ESRP1: variants seen among roughly 807,000 people sequenced by gnomAD.
ESRP1 encodes epithelial splicing regulatory protein 1.
A neutral mutation model predicts 81.7 loss-of-function variants in ESRP1; 33 were observed. The ratio of observed to expected loss-of-function variants is 0.40; its 90% CI spans 0.31 to 0.54. The LOEUF is 0.54. ESRP1 is among the 20% of genes least tolerant of loss of function. The pLI is 0.41. For synonymous variants in ESRP1, 320 were observed against 303.3 expected (o/e 1.06, Z -0.57); for missense variants, 672 against 833.1 (o/e 0.81, Z 2.38).
rs1817857276 is a variant in ESRP1 at position 94,646,481 on chromosome 8, G to A, written c.490+199G>A. 1.9e-5 allele frequency: 8 copies of A among 424,586 alleles called. No homozygotes were observed. In the East Asian group the frequency reaches 3.4e-4, roughly 18 times the overall value. 26.3% of individuals were successfully genotyped at this position (424,586 alleles called of 1,614,324 possible). On this transcript the variant is annotated intron_variant, in intron 4 of 15. Transcript: ENST00000433389. ...GTTATAATTAATCAGATGGTTGGAC[G>A]GATTTGGAGATGGATTTTTTGGTGG...
At chr8:94,656,032 TTCA>T (rs549322270) in intron 4 of ESRP1, 68 of 151,038 alleles carry the variant, frequency 4.5e-4, no homozygotes, top group African/African-American at 1.6e-3. Context: ...CCACAGTAGG[TTCA>T]TCATCAATAT....
chr8:94,670,173 T>C (rs1819243214), intron 10 of ESRP1, among the ~76,000 whole-genome samples: 1 of 152,222 alleles, frequency 6.6e-6, no homozygotes, highest in African/African-American at 2.4e-5. Context: ...CCATCCTTCT[T>C]GATTTATTTA....
chr8:94,660,709 C>CAAAAAAAAAAAAAAAAAA (rs60316449), intron 4 of ESRP1, among the ~76,000 whole-genome samples: 4 of 43,542 alleles, frequency 9.2e-5, no homozygotes, highest in African/African-American at 3.2e-4. Context: ...GAGACTATCT[C>CAAAAAAAAAAAAAAAAAA]AAAAAAAAAA....
chr8:94,682,919 TA>T, intron 13 of ESRP1, among the ~76,000 whole-genome samples: 2 of 32,032 alleles, frequency 6.2e-5, no homozygotes, highest in African/African-American at 1.7e-4. Flanking sequence ...TATATATATA[TA>T]TATATATATA....
intron 13 of ESRP1, among the ~76,000 whole-genome samples, chr8:94,681,160 C>T (rs1424247278): frequency 6.7e-6 from 1 of 149,120 alleles, no homozygotes; most frequent in African/African-American, 2.5e-5. Context: ...CCCGTCTCTA[C>T]TAAAAAATAC....
At chr8:94,677,156 C>T (rs759276062) in intron 12 of ESRP1, among the ~76,000 whole-genome samples, 2 of 152,062 alleles carry the variant, frequency 1.3e-5, no homozygotes, top group Non-Finnish European at 2.9e-5. Context: ...TTCTATACGC[C>T]CATATTTAGC....
chr8:94,678,144 A>C, intron 12 of ESRP1, 59 bp from the exon 13 acceptor site: 254 of 1,470,770 alleles, frequency 1.7e-4, no homozygotes, highest in Non-Finnish European at 2.2e-4. Flanking sequence ...TTTTAGTGCT[A>C]GCACGTGCAT....
At position 94,678,265 on chromosome 8, in the gene ESRP1, A is replaced by G. The variant is rs772910256; in HGVS notation, c.1714A>G (p.Ile572Val). The G allele has an allele frequency of 5.0e-6, 8 of 1,613,866 alleles. No homozygotes were observed. The Admixed American group carries it at 8.3e-5, about 17-fold the overall frequency. The stretch of plus-strand genomic sequence containing the variant: ...TGCAGTTATTCCTACAGAAGCTGCC[A>G]TTTACCAGCCCTCTGTGATTTTGAA... Reference protein sequence around the residue: ...PAAVIPTEAAIYQPSVILNPR... With the variant: ...PAAVIPTEAAVYQPSVILNPR... The change falls in exon 13 of 16, where the codon ATT becomes GTT. Residue 572 changes from isoleucine to valine, a missense_variant. Transcript: ENST00000433389.
At chr8:94,700,705 G>A (rs558952624) in intron 15 of ESRP1, among the ~76,000 whole-genome samples, 12 of 152,152 alleles carry the variant, frequency 7.9e-5, no homozygotes, top group Middle Eastern at 3.4e-3. Flanking sequence ...TGAGGCGGGC[G>A]GATCACGAGG....
chr8:94,676,874 C>T (rs905960267), intron 12 of ESRP1, among the ~76,000 whole-genome samples: 3 of 151,066 alleles, frequency 2.0e-5, no homozygotes, highest in East Asian at 2.0e-4. Context: ...GAATATGAAC[C>T]GGGCGCGGTG....
chr8:94,682,901 ATT>A (rs1415180200), intron 13 of ESRP1, among the ~76,000 whole-genome samples: 3 of 38,700 alleles, frequency 7.8e-5, no homozygotes, highest in African/African-American at 1.2e-4. Context: ...TATATTCATT[ATT>A]TTATATATAT....
chr8:94,678,631 C>T (rs1808737702), intron 13 of ESRP1, among the ~76,000 whole-genome samples: 1 of 152,196 alleles, frequency 6.6e-6, no homozygotes, highest in Non-Finnish European at 1.5e-5. Context: ...TGTCATAGGA[C>T]CCCAAGTGAG....
At chr8:94,699,602 T>C (rs900619301) in intron 15 of ESRP1, among the ~76,000 whole-genome samples, 6 of 152,148 alleles carry the variant, frequency 3.9e-5, no homozygotes, top group Non-Finnish European at 8.8e-5. Context: ...ATTGTACCAC[T>C]GCAGTCCAGC....
At chr8:94,655,344 C>G (rs971546707) in intron 4 of ESRP1, among the ~76,000 whole-genome samples, 1 of 150,760 alleles carries the variant, frequency 6.6e-6, no homozygotes, top group Non-Finnish European at 1.5e-5. Flanking sequence ...GCCTCGGCCT[C>G]CCTAAATGCT....
chr8:94,684,322 T>C (rs1809051661), intron 13 of ESRP1, among the ~76,000 whole-genome samples: 1 of 152,200 alleles, frequency 6.6e-6, no homozygotes, highest in Non-Finnish European at 1.5e-5. Context: ...TGGAGAAGCC[T>C]GTATGGACTT....
At chr8:94,674,806 G>A (rs1276609269) in intron 12 of ESRP1, among the ~76,000 whole-genome samples, 1 of 152,154 alleles carries the variant, frequency 6.6e-6, no homozygotes, top group Non-Finnish European at 1.5e-5. Context: ...AGGCAACCTG[G>A]CTATATAGAT....
intron 13 of ESRP1, among the ~76,000 whole-genome samples, chr8:94,679,038 T>A (rs1808758003): frequency 6.6e-6 from 1 of 152,188 alleles, no homozygotes; most frequent in South Asian, 2.1e-4. Flanking sequence ...AGCATGTAAA[T>A]GAGGCTTATA....
At chr8:94,662,241 T>G (rs1203751037) in intron 4 of ESRP1, 31 bp from the exon 5 acceptor site, 1 of 1,395,806 alleles carries the variant, frequency 7.2e-7, no homozygotes, top group Admixed American at 2.1e-5. Context: ...ATTTTACCTT[T>G]CCAAAGTGTT....
intron 13 of ESRP1, among the ~76,000 whole-genome samples, chr8:94,682,904 TTATATATATATATA>T (rs1170938965): frequency 3.4e-5 from 1 of 29,842 alleles, no homozygotes; most frequent in African/African-American, 1.8e-4. Context: ...ATTCATTATT[TTATATATATATATA>T]TATATATATA....
Sources: allele counts gnomAD v4.1 joint callset (sites outside exome capture counted in the v4.1 genomes callset), GRCh38; gene constraint gnomAD v4.1.1; transcripts MANE v1.5; gene names NCBI Gene and HGNC (gene_info 2026-07-23, HGNC 2026-07-21).